Variants in CCSER1 observed in about 807,000 individuals in gnomAD.
The protein encoded by CCSER1 is serine-rich coiled-coil domain-containing protein 1.
CCSER1 carries 41 observed loss-of-function variants against 82.0 expected under a neutral mutation model. The ratio of observed to expected loss-of-function variants is 0.50; its 90% CI spans 0.39 to 0.65. The LOEUF is 0.65. Among genes scored for constraint, CCSER1 ranks in the 30% least tolerant of loss-of-function variants. CCSER1 has a pLI of 0.00. For missense variants in CCSER1, 1,119 were observed against 1,064.2 expected, an observed-to-expected ratio of 1.05 and a Z score of -0.72; for synonymous variants, 414 against 383.9, an observed-to-expected ratio of 1.08 and a Z score of -0.92.
chr4:91,445,049 T>C (rs1755461045), intron 10 of CCSER1, among the ~76,000 whole-genome samples: 1 of 152,236 alleles, frequency 6.6e-6, no homozygotes, highest in African/African-American at 2.4e-5. Context: ...AAGATGTTCC[T>C]GAAAATGTGA....
chr4:90,572,042 A>G (rs1780178824), intron 5 of CCSER1, among the ~76,000 whole-genome samples: 1 of 152,118 alleles, frequency 6.6e-6, no homozygotes, highest in Non-Finnish European at 1.5e-5. Context: ...TACCTTTAGC[A>G]GTTTTTGTAA....
At chr4:90,531,702 G>A (rs894630581) in intron 5 of CCSER1, among the ~76,000 whole-genome samples, 2 of 152,134 alleles carry the variant, frequency 1.3e-5, no homozygotes, top group Non-Finnish European at 1.5e-5. Context: ...TTACCCAAAT[G>A]TATAATATTG....
chr4:91,537,416 C>T (rs1476313518), intron 10 of CCSER1, among the ~76,000 whole-genome samples: 1 of 151,988 alleles, frequency 6.6e-6, no homozygotes, highest in Non-Finnish European at 1.5e-5. Context: ...GCCATTTAGA[C>T]ATTAAAATTT....
chr4:90,355,613 TGC>T (rs1197978977), intron 3 of CCSER1, among the ~76,000 whole-genome samples: 1 of 152,068 alleles, frequency 6.6e-6, no homozygotes, highest in Non-Finnish European at 1.5e-5. Flanking sequence ...TGAGATAGGA[TGC>T]TCTGTGTTAA....
At chr4:91,441,408 C>G in intron 10 of CCSER1, among the ~76,000 whole-genome samples, 1 of 62,356 alleles carries the variant, frequency 1.6e-5, no homozygotes, top group East Asian at 1.3e-3. Flanking sequence ...AGGCCTTTGA[C>G]AAAATTCAAC....
chr4:90,622,908 C>T (rs1284508919), intron 5 of CCSER1, among the ~76,000 whole-genome samples: 1 of 152,130 alleles, frequency 6.6e-6, no homozygotes, highest in Non-Finnish European at 1.5e-5. Context: ...CCCTATTTCT[C>T]CACATCCTCT....
At chr4:91,454,968 T>C (rs1258038084) in intron 10 of CCSER1, among the ~76,000 whole-genome samples, 1 of 152,122 alleles carries the variant, frequency 6.6e-6, no homozygotes, top group Non-Finnish European at 1.5e-5. Context: ...TCTTCATTTG[T>C]TTAAATTCTA....
chr4:91,124,422 T>A (rs1727331878), intron 10 of CCSER1, among the ~76,000 whole-genome samples: 1 of 151,706 alleles, frequency 6.6e-6, no homozygotes, highest in Non-Finnish European at 1.5e-5. Context: ...TTACATATTA[T>A]TTTTTTCCCA....
rs1012662341 is a variant in CCSER1, at chr4:91,024,483, A to G, written c.2173-61467A>G. ...TTAAAAAGTTTTAAATGTGAATTCTAATGAGAAATTAAAGGAGATTTTGCC... is the reference window on the plus strand; with the variant it reads ...TTAAAAAGTTTTAAATGTGAATTCTGATGAGAAATTAAAGGAGATTTTGCC... On this transcript the variant is annotated intron_variant, in intron 9 of 10. Coordinates refer to ENST00000509176, the MANE Select transcript of CCSER1 (RefSeq NM_001145065.2). 1.1e-4 allele frequency among the ~76,000 whole-genome samples: 17 copies of G among 152,182 alleles called. No homozygotes were observed. In the East Asian group the frequency reaches 3.1e-3, roughly 28 times the overall value.
chr4:90,705,556 G>T (rs927113339), intron 6 of CCSER1, among the ~76,000 whole-genome samples: 9 of 152,190 alleles, frequency 5.9e-5, no homozygotes, highest in Non-Finnish European at 1.2e-4. Flanking sequence ...GTTTGGCTAT[G>T]CCCGGCCCCC....
intron 5 of CCSER1, among the ~76,000 whole-genome samples, chr4:90,597,426 C>A (rs1010586392): frequency 4.6e-5 from 7 of 151,944 alleles, no homozygotes; most frequent in Non-Finnish European, 8.8e-5. Flanking sequence ...ATACAATAAA[C>A]TGCATGTTTT....
intron 8 of CCSER1, among the ~76,000 whole-genome samples, chr4:90,816,853 G>T (rs1313934247): frequency 6.6e-6 from 1 of 152,088 alleles, no homozygotes. Flanking sequence ...GAAATTCAGA[G>T]CATAGTTTAT....
At chr4:90,762,751 T>C (rs2149525736) in intron 7 of CCSER1, among the ~76,000 whole-genome samples, 1 of 152,292 alleles carries the variant, frequency 6.6e-6, no homozygotes, top group Middle Eastern at 3.4e-3. Flanking sequence ...AAAATGGTTC[T>C]CCCAAATTAT....
At chr4:91,398,794 G>A (rs1414098255) in intron 10 of CCSER1, among the ~76,000 whole-genome samples, 2 of 151,260 alleles carry the variant, frequency 1.3e-5, no homozygotes, top group African/African-American at 2.4e-5. Context: ...AAAAAAAAAA[G>A]TCAGCTGATC....
intron 9 of CCSER1, among the ~76,000 whole-genome samples, chr4:91,040,053 G>T (rs888593096): frequency 1.3e-5 from 2 of 152,084 alleles, no homozygotes; most frequent in Non-Finnish European, 2.9e-5. Context: ...ATTTATTAGA[G>T]ACAAAGCAAT....
chr4:91,238,407 A>C (rs2149127120), intron 10 of CCSER1, among the ~76,000 whole-genome samples: 1 of 152,346 alleles, frequency 6.6e-6, no homozygotes, highest in Non-Finnish European at 1.5e-5. Flanking sequence ...ATGTAAATGC[A>C]CTTGGCTGAT....
chr4:90,754,735 G>T (rs768540173), intron 7 of CCSER1, among the ~76,000 whole-genome samples: 57 of 152,192 alleles, frequency 3.7e-4, no homozygotes, highest in Non-Finnish European at 6.5e-4. Flanking sequence ...AGCATTTTTA[G>T]TACTTTGTTT....
At chr4:91,343,400 TTTGTA>T (rs1162078605) in intron 10 of CCSER1, among the ~76,000 whole-genome samples, 2 of 152,156 alleles carry the variant, frequency 1.3e-5, no homozygotes, top group African/African-American at 4.8e-5. Flanking sequence ...CACAAATTGA[TTTGTA>T]CATCAGAAAA....
intron 4 of CCSER1, among the ~76,000 whole-genome samples, chr4:90,418,938 A>T: frequency 6.6e-6 from 1 of 152,022 alleles, no homozygotes; most frequent in Non-Finnish European, 1.5e-5. Flanking sequence ...TAATCCTCAC[A>T]GCAATTCTCA....
Sources: allele counts gnomAD v4.1 joint callset (sites outside exome capture counted in the v4.1 genomes callset), GRCh38; gene constraint gnomAD v4.1.1; transcripts MANE v1.5; gene names NCBI Gene and HGNC (gene_info 2026-07-23, HGNC 2026-07-21).